TMEM207: variants seen among roughly 807,000 people sequenced by gnomAD.
The protein encoded by TMEM207 is SRSR846.
In TMEM207, 15 loss-of-function variants were observed where a neutral mutation model predicts 17.4. The observed-to-expected ratio is 0.86, with a 90% confidence interval of 0.58 to 1.33. The LOEUF (loss-of-function observed/expected upper bound fraction) is 1.33. TMEM207 is among the 40% of genes most tolerant of loss of function. The pLI is 0.00. For missense variants in TMEM207, 205 were observed against 173.8 expected (o/e 1.18, Z -1.01); for synonymous variants, 70 against 65.6 (o/e 1.07, Z -0.33).
chr3:190,436,515 G>A (rs899160471), intron 4 of TMEM207, among the ~76,000 whole-genome samples: 2 of 152,198 alleles, frequency 1.3e-5, no homozygotes, highest in East Asian at 1.9e-4. Flanking sequence ...TCAGTTCTCC[G>A]CTGTGAGCAC....
Position 190,429,344 on chromosome 3 carries a change from A to C in TMEM207, c.*251T>G. The C allele has an allele frequency of 4.6e-6, 2 of 430,692 alleles. No individual in the cohort carries two copies. The allele number at this position is 430,692 out of a possible 1,614,324, so 26.7% of individuals were successfully genotyped here. ...TTGCCTGTTTGGATACTAGTGGAGA[A>C]GCATTAATTTGGTTGTGTAGCATAA... On this transcript the variant is annotated 3_prime_UTR_variant, in exon 5 of 5. Coordinates refer to ENST00000354905, the MANE Select transcript of TMEM207 (RefSeq NM_207316.3).
At chr3:190,435,233 C>T (rs1719775822) in intron 4 of TMEM207, among the ~76,000 whole-genome samples, 1 of 152,152 alleles carries the variant, frequency 6.6e-6, no homozygotes. Flanking sequence ...AAGGTTTCGG[C>T]AGGGTAGGTT....
chr3:190,441,136 G>T (rs916087186), intron 3 of TMEM207, among the ~76,000 whole-genome samples: 4 of 152,148 alleles, frequency 2.6e-5, no homozygotes, highest in African/African-American at 9.6e-5. Context: ...TGCCTTTTAA[G>T]GCCAGAACTA....
chr3:190,445,016 A>C (rs1043242962), intron 2 of TMEM207, among the ~76,000 whole-genome samples: 11 of 152,180 alleles, frequency 7.2e-5, no homozygotes, highest in African/African-American at 2.7e-4. Context: ...TATCTCAGGT[A>C]TTTCACCAGA....
chr3:190,434,805 G>C (rs1006173700), intron 4 of TMEM207, among the ~76,000 whole-genome samples: 3 of 152,174 alleles, frequency 2.0e-5, no homozygotes, highest in African/African-American at 7.2e-5. Flanking sequence ...AGATGGTGAA[G>C]GAGAACCGGA....
chr3:190,445,400 C>G (rs1455693921), intron 2 of TMEM207, among the ~76,000 whole-genome samples: 6 of 152,198 alleles, frequency 3.9e-5, no homozygotes, highest in Non-Finnish European at 2.9e-5. Context: ...AAATTTTATA[C>G]AAAGACAGCA....
intron 2 of TMEM207, among the ~76,000 whole-genome samples, chr3:190,445,337 T>C (rs111885034): frequency 0.023 from 3,544 of 152,342 alleles, 62 homozygotes; most frequent in South Asian, 0.06. Context: ...AGAAGTATGA[T>C]AAGAGGGGCT....
At chr3:190,439,265 A>AG (rs1719878383) in intron 4 of TMEM207, among the ~76,000 whole-genome samples, 1 of 151,916 alleles carries the variant, frequency 6.6e-6, no homozygotes, top group Non-Finnish European at 1.5e-5. Context: ...GGAAAAAAAA[A>AG]AAGCTGGAGG....
chr3:190,447,931 CTT>C, intron 1 of TMEM207, 104 bp from the exon 2 acceptor site: 2 of 1,117,864 alleles, frequency 1.8e-6, no homozygotes, highest in Non-Finnish European at 2.5e-6. Flanking sequence ...ATTTCGTTTG[CTT>C]TTTTAATTAA....
intron 4 of TMEM207, among the ~76,000 whole-genome samples, chr3:190,432,817 G>A (rs1414312068): frequency 6.6e-6 from 1 of 152,106 alleles, no homozygotes; most frequent in African/African-American, 2.4e-5. Flanking sequence ...GATTATCCCT[G>A]AAACTGCAGA....
intron 4 of TMEM207, among the ~76,000 whole-genome samples, chr3:190,435,105 C>T (rs1719772511): frequency 6.6e-6 from 1 of 152,080 alleles, no homozygotes; most frequent in Non-Finnish European, 1.5e-5. Context: ...CTCCTCACTC[C>T]CCAAGAGAGC....
chr3:190,440,975 T>A (rs1001592956), intron 3 of TMEM207, among the ~76,000 whole-genome samples: 4 of 151,658 alleles, frequency 2.6e-5, no homozygotes, highest in South Asian at 2.1e-4. Flanking sequence ...AGGCTGAGGC[T>A]GGAGAATGGC....
At chr3:190,444,243 A>G (rs1299232331) in intron 2 of TMEM207, among the ~76,000 whole-genome samples, 1 of 152,194 alleles carries the variant, frequency 6.6e-6, no homozygotes, top group African/African-American at 2.4e-5. Flanking sequence ...GTAGGGTCAT[A>G]CTATTATAAT....
chr3:190,437,639 C>G (rs986627414), intron 4 of TMEM207, among the ~76,000 whole-genome samples: 2 of 151,968 alleles, frequency 1.3e-5, no homozygotes, highest in African/African-American at 4.8e-5. Context: ...AACACTTTTA[C>G]ACTGTTGGTG....
At position 190,429,375 on chromosome 3, in the gene TMEM207, T is replaced by C; in HGVS notation, c.*220A>G. The C allele has an allele frequency of 3.8e-6, 2 of 525,652 alleles. No homozygotes were observed. Among genetic ancestry groups the C allele is most frequent in the Non-Finnish European group, 6.7e-6 (2 of 296,850 alleles). The allele number at this position is 525,652 out of a possible 1,614,324, so 32.6% of individuals were successfully genotyped here. Reference sequence around the variant, plus strand: ...AATTTGGTTGTGTAGCATAAAAGTATGATACAGCAGTGACACATCAAAAGC... The same window carrying C: ...AATTTGGTTGTGTAGCATAAAAGTACGATACAGCAGTGACACATCAAAAGC... On this transcript the variant is annotated 3_prime_UTR_variant, in exon 5 of 5. Transcript: ENST00000354905.
chr3:190,436,976 A>G (rs1719815354), intron 4 of TMEM207, among the ~76,000 whole-genome samples: 1 of 152,184 alleles, frequency 6.6e-6, no homozygotes, highest in African/African-American at 2.4e-5. Context: ...GAACATCGGC[A>G]GTGGGTGGAA....
intron 2 of TMEM207, among the ~76,000 whole-genome samples, chr3:190,445,020 C>T (rs1318207308): frequency 3.9e-5 from 6 of 152,138 alleles, no homozygotes; most frequent in African/African-American, 1.4e-4. Flanking sequence ...TCAGGTATTT[C>T]ACCAGATGTA....
At chr3:190,444,305 G>A (rs558746815) in intron 2 of TMEM207, 12 of 465,052 alleles carry the variant, frequency 2.6e-5, no homozygotes, top group Non-Finnish European at 3.1e-5. Flanking sequence ...AGTAACTTGC[G>A]CAAGTTAGCA....
chr3:190,429,867 T>A, intron 4 of TMEM207, 136 bp from the exon 5 acceptor site: 1 of 1,129,884 alleles, frequency 8.9e-7, no homozygotes, highest in Non-Finnish European at 1.2e-6. Flanking sequence ...AGAAAAAAAT[T>A]ACAACTATCT....
Sources: allele counts gnomAD v4.1 joint callset (sites outside exome capture counted in the v4.1 genomes callset), GRCh38; gene constraint gnomAD v4.1.1; transcripts MANE v1.5; gene names NCBI Gene and HGNC (gene_info 2026-07-23, HGNC 2026-07-21).